UHRF1: variants seen among roughly 807,000 people sequenced by gnomAD.
UHRF1 encodes E3 ubiquitin-protein ligase UHRF1.
In UHRF1, 9 loss-of-function variants were observed where a neutral mutation model predicts 96.5. That is an observed-to-expected ratio of 0.09 (90% CI 0.06 to 0.16). UHRF1 has a LOEUF of 0.16. Ranked by LOEUF, UHRF1 falls within the 10% of genes least tolerant of loss-of-function variation. UHRF1 has a pLI of 1.00. For synonymous variants in UHRF1, 455 were observed against 469.9 expected, an observed-to-expected ratio of 0.97 and a Z score of 0.41; for missense variants, 626 against 1,131.1, an observed-to-expected ratio of 0.55 and a Z score of 6.40.
chr19:4,951,813 G>A (rs1347892811), intron 13 of UHRF1, among the ~76,000 whole-genome samples: 4 of 152,076 alleles, frequency 2.6e-5, no homozygotes, highest in Admixed American at 1.3e-4. Flanking sequence ...TCCCTGTGGC[G>A]ATGGGAACTG....
At chr19:4,921,985 TCGC>T (rs1222375958) in intron 2 of UHRF1, among the ~76,000 whole-genome samples, 1 of 152,196 alleles carries the variant, frequency 6.6e-6, no homozygotes, top group African/African-American at 2.4e-5. Flanking sequence ...TGAGACAGTC[TCGC>T]TCTGTCGCCT....
At chr19:4,924,883 G>A (rs2032819780) in intron 2 of UHRF1, among the ~76,000 whole-genome samples, 1 of 149,530 alleles carries the variant, frequency 6.7e-6, no homozygotes, top group Non-Finnish European at 1.5e-5. Context: ...CTGGAATGTA[G>A]TGGCGTGATC....
At chr19:4,905,664 C>T (rs756752909), upstream of UHRF1, among the ~76,000 whole-genome samples, 10 of 152,014 alleles carry the variant, frequency 6.6e-5, no homozygotes, top group Non-Finnish European at 1.3e-4. Flanking sequence ...ATTATAGGCA[C>T]GTGCCACCAC....
chr19:4,941,398 G>A, intron 5 of UHRF1, 130 bp from the exon 6 acceptor site: 1 of 679,880 alleles, frequency 1.5e-6, no homozygotes, highest in Non-Finnish European at 2.6e-6. Flanking sequence ...TGTGAGTGCA[G>A]CTTTGATTGC....
chr19:4,910,862 G>A lies in UHRF1; in HGVS notation c.-10-14G>A. 6.3e-7 allele frequency: 1 copy of A among 1,590,266 alleles called. No individual in the cohort carries two copies. The highest frequency in any genetic ancestry group is 8.6e-7 in the Non-Finnish European group (1 of 1,165,690). On this transcript the variant is annotated splice_polypyrimidine_tract_variant and intron_variant, in intron 1 of 16. Coordinates refer to ENST00000650932, the MANE Select transcript of UHRF1 (RefSeq NM_001048201.3). ...GGTAAAACTGATGGGGGTTTTTGCT[G>A]TCCCTCCCCTCAGCGCCGACACCAT...
chr19:4,950,561 G>A (rs752264987), intron 11 of UHRF1, 50 bp from the exon 12 acceptor site: 2 of 1,562,974 alleles, frequency 1.3e-6, no homozygotes, highest in Non-Finnish European at 1.7e-6. Flanking sequence ...TTCCTTTTTT[G>A]GGGGGTACAT....
chr19:4,943,987 G>T, intron 7 of UHRF1, 145 bp from the exon 8 acceptor site: 4 of 1,288,996 alleles, frequency 3.1e-6, no homozygotes, highest in Non-Finnish European at 4.2e-6. Flanking sequence ...AGCCTCGTGT[G>T]CCAAGCGGCC....
In UHRF1 at chr19:4,930,371, G is replaced by A. The variant is rs577833329; in HGVS notation, c.409-345G>A. Among the ~76,000 whole-genome samples, 11 of 152,288 alleles carry A rather than the reference G, an allele frequency of 7.2e-5. No homozygotes were observed. In the South Asian group the frequency reaches 2.3e-3, roughly 32 times the overall value. ...GATCCACCTGCCTCGGCCTCCCAAA[G>A]TGCTGGTATTCCAGGCGTGAGCCAC... On this transcript the variant is annotated intron_variant, in intron 3 of 16. Transcript: ENST00000650932. This position sits in a 1 kb window ranked among gnomAD's most constrained non-coding sequence, Gnocchi z 4.4.
intron 9 of UHRF1, among the ~76,000 whole-genome samples, 192 bp from the exon 10 acceptor site, chr19:4,945,669 T>G (rs1046824475): frequency 1.3e-3 from 198 of 151,584 alleles, no homozygotes; most frequent in African/African-American, 4.6e-3. Context: ...TTTTTTTTTT[T>G]TTTTCCATGG....
chr19:4,932,820 C>G lies in UHRF1; in HGVS notation c.649C>G (p.Leu217Val). 1 of 1,613,842 alleles carries G rather than the reference C, an allele frequency of 6.2e-7. No individual in the cohort carries two copies. Among genetic ancestry groups the G allele is most frequent in the Non-Finnish European group, 8.5e-7 (1 of 1,179,886 alleles). The change falls in exon 5 of 17, where the codon CTG becomes GTG. Residue 217 changes from leucine (L) to valine (V), a missense_variant. By Grantham distance (32) the Leu-to-Val change is conservative. This residue lies in a region of UHRF1 where 198 missense variants were observed against 235.1 expected (regional missense o/e 0.84). Coordinates refer to ENST00000650932, the MANE Select transcript of UHRF1 (RefSeq NM_001048201.3). ...CCGCACCATCATCAAGTGGCAGGAC[C>G]TGGAGGTGGGCCAGGTGGTCATGCT... ...RARTIIKWQD[L>V]EVGQVVMLNY...
In UHRF1 at chr19:4,960,638, C is replaced by T. The variant is rs754081119; in HGVS notation, c.2236-19C>T. The T allele has an allele frequency of 2.5e-5, 40 of 1,611,248 alleles. No individual in the cohort carries two copies. Among genetic ancestry groups the T allele is most frequent in the East Asian group, 6.7e-5 (3 of 44,778 alleles). On this transcript the variant is annotated intron_variant, in intron 16 of 16. Transcript: ENST00000650932. ...GATGGTGTGGATGGCACTTCTCACGCGCCTGCTGTGTCTTACAGGACTGCC... is the reference window on the plus strand; with the variant it reads ...GATGGTGTGGATGGCACTTCTCACGTGCCTGCTGTGTCTTACAGGACTGCC...
upstream of UHRF1, among the ~76,000 whole-genome samples, chr19:4,904,808 C>A (rs1445754766): frequency 6.6e-6 from 1 of 152,164 alleles, no homozygotes; most frequent in Non-Finnish European, 1.5e-5. Context: ...GAGAATGTAT[C>A]ATTTTGCAAA....
intron 16 of UHRF1, among the ~76,000 whole-genome samples, 170 bp downstream of exon 16, chr19:4,956,983 C>T (rs17882125): frequency 0.04 from 6,151 of 152,270 alleles, 177 homozygotes; most frequent in Non-Finnish European, 0.066. Context: ...TGTATTACCA[C>T]GGAGGCCTAT....
chr19:4,909,262 T>G, upstream of UHRF1: 1 of 519,204 alleles, frequency 1.9e-6, no homozygotes, highest in East Asian at 3.6e-5. Flanking sequence ...GTGCGGGGGG[T>G]GACCAGGCCC....
At chr19:4,934,638 C>T (rs146074974) in intron 5 of UHRF1, among the ~76,000 whole-genome samples, 4 of 152,322 alleles carry the variant, frequency 2.6e-5, no homozygotes, top group Non-Finnish European at 4.4e-5. Context: ...GAATTTCCCT[C>T]CTTTTTGTGG....
intron 1 of UHRF1, 39 bp downstream of exon 1, chr19:4,909,694 G>A (rs962475080): frequency 2.4e-5 from 12 of 508,140 alleles, no homozygotes; most frequent in Non-Finnish European, 3.8e-5. Flanking sequence ...AGCCCGGGCC[G>A]GGCGCACGGG....
intron 10 of UHRF1, 118 bp downstream of exon 10, chr19:4,946,083 G>A (rs1026572991): frequency 3.5e-5 from 26 of 735,250 alleles, no homozygotes; most frequent in African/African-American, 5.4e-5. Context: ...TCCCGGTGGC[G>A]TGAAGTATAT....
chr19:4,952,247 C>G (rs1016457160), intron 13 of UHRF1, among the ~76,000 whole-genome samples: 2 of 151,970 alleles, frequency 1.3e-5, no homozygotes, highest in African/African-American at 4.8e-5. Context: ...TGCCCACCAC[C>G]ACGCCTGGCT....
At chr19:4,905,701 A>G (rs1416387911), upstream of UHRF1, among the ~76,000 whole-genome samples, 2 of 151,928 alleles carry the variant, frequency 1.3e-5, no homozygotes, top group Non-Finnish European at 1.5e-5. Flanking sequence ...TATTTTTAGT[A>G]GAGACGGGGT....
Sources: allele counts gnomAD v4.1 joint callset (sites outside exome capture counted in the v4.1 genomes callset), GRCh38; gene constraint gnomAD v4.1.1; regional missense constraint gnomAD v4.1.1; non-coding constraint Gnocchi (gnomAD v3.1); transcripts MANE v1.5; gene names NCBI Gene and HGNC (gene_info 2026-07-23, HGNC 2026-07-21).